Variants in CUX1 observed in about 807,000 individuals in gnomAD.
CUX1 encodes the protein protein CASP.
Under a neutral mutation model 158.8 loss-of-function variants are expected in CUX1, and 31 were observed. The observed-to-expected ratio is 0.20, with a 90% CI of 0.15 to 0.26. The LOEUF is 0.26. Among genes scored for constraint, CUX1 ranks in the 10% least tolerant of loss-of-function variants. The probability of loss-of-function intolerance (pLI) is 1.00; values close to 1 mark genes in which losing one functional copy is unlikely to be tolerated. For synonymous variants in CUX1, 879 were observed against 862.1 expected (o/e 1.02, Z -0.34); for missense variants, 1,589 against 2,014.6 (o/e 0.79, Z 4.04).
At chr7:101,888,413 A>G (rs1268697947) in intron 1 of CUX1, among the ~76,000 whole-genome samples, 1 of 152,242 alleles carries the variant, frequency 6.6e-6, no homozygotes, top group African/African-American at 2.4e-5. Flanking sequence ...ACTGGATAAT[A>G]TGTTAAATTC....
rs1306923064 is a variant in CUX1 at position 102,256,967 on chromosome 7, A to T, written c.*7925A>T. ...TGTGGCTTGAGGGCTCACCTAGGAG[A>T]TCATAGGCAGAGGGCCCCTTTCCCC... On this transcript the variant is annotated 3_prime_UTR_variant, in exon 24 of 24. Coordinates refer to ENST00000292535, the MANE Select transcript of CUX1 (RefSeq NM_181552.4). 29 of 985,242 alleles carry T rather than the reference A, an allele frequency of 2.9e-5. No homozygotes were observed. The highest frequency in any genetic ancestry group is 3.1e-5 in the Non-Finnish European group (26 of 829,940). 61.0% of individuals were successfully genotyped at this position (985,242 alleles called of 1,614,324 possible). A position where few individuals can be genotyped will look rare whatever the true frequency, so the allele number is the denominator to read the frequency against.
At position 102,196,944 on chromosome 7, in the gene CUX1, A is replaced by G. The variant is rs948021073; in HGVS notation, c.1533A>G (p.Pro511=). The change falls in exon 15 of 24, where the codon CCA becomes CCG. Residue 511 remains proline (P), a synonymous_variant. Transcript: ENST00000292535. The part of the protein sequence containing the change: ...GSTSMIFSTG[P]YSTNSISSQS... The stretch of plus-strand genomic sequence containing the variant: ...CAAGCATGATTTTTTCAACAGGTCC[A>G]TACAGCACAAACTCCATATCTTCCC... 5 of 1,614,240 alleles carry G rather than the reference A, an allele frequency of 3.1e-6. No individual in the cohort carries two copies. The highest frequency in any genetic ancestry group is 4.2e-6 in the Non-Finnish European group (5 of 1,180,050).
At chr7:101,877,451 C>T (rs1333289490) in intron 1 of CUX1, among the ~76,000 whole-genome samples, 1 of 152,200 alleles carries the variant, frequency 6.6e-6, no homozygotes, top group Non-Finnish European at 1.5e-5. Flanking sequence ...CTTTGGGAGG[C>T]CAAGGAAGGC....
At chr7:102,056,224 G>T (rs535036437) in intron 3 of CUX1, among the ~76,000 whole-genome samples, 26 of 152,198 alleles carry the variant, frequency 1.7e-4, no homozygotes, top group African/African-American at 5.3e-4. Context: ...GATAATCAAC[G>T]AAGATGATGG....
In CUX1 at chr7:102,084,858, C is replaced by CTTTTTT. The variant is rs60908109; in HGVS notation, c.269-12487_269-12482dup. On this transcript the variant is annotated intron_variant, in intron 4 of 23. Transcript: ENST00000292535. ...TAATGCTGTATATTTATTTTCCTTGCTTTTTTTTTTTTTTTTTTTTTTTTG... is the reference window on the plus strand; with the variant it reads ...TAATGCTGTATATTTATTTTCCTTGCTTTTTTTTTTTTTTTTTTTTTTTTTTTTTTG... Among the ~76,000 whole-genome samples the CTTTTTT allele has an allele frequency of 6.2e-3, 349 of 56,052 alleles. 8 individuals are homozygous for CTTTTTT. Among genetic ancestry groups the CTTTTTT allele is most frequent in the Middle Eastern group, 0.025 (1 of 40 alleles). The allele number at this position is 56,052 out of a possible 152,430, so 36.8% of individuals were successfully genotyped here. A position where few individuals can be genotyped will look rare whatever the true frequency, so the allele number is the denominator to read the frequency against.
At chr7:102,008,978 G>A (rs1050947744) in intron 2 of CUX1, among the ~76,000 whole-genome samples, 1 of 152,288 alleles carries the variant, frequency 6.6e-6, no homozygotes, top group African/African-American at 2.4e-5. Context: ...GCAGGGGAGA[G>A]AAGGGAGGTA....
intron 10 of CUX1, among the ~76,000 whole-genome samples, chr7:102,175,441 A>G (rs922718235): frequency 2.6e-5 from 4 of 152,088 alleles, no homozygotes; most frequent in East Asian, 1.9e-4. Context: ...ACCTCCCTAC[A>G]TGTCACTTCT....
chr7:102,056,522 T>C (rs546880021), intron 3 of CUX1, among the ~76,000 whole-genome samples: 1 of 152,312 alleles, frequency 6.6e-6, no homozygotes, highest in South Asian at 2.1e-4. Context: ...ATAGCATGTT[T>C]TACTGAATAT....
At chr7:102,106,045 C>T (rs1215020274) in intron 6 of CUX1, among the ~76,000 whole-genome samples, 1 of 147,796 alleles carries the variant, frequency 6.8e-6, no homozygotes, top group Non-Finnish European at 1.5e-5. Context: ...CAGTTGACTT[C>T]CTATGCTGAA....
chr7:102,010,575 A>G (rs1184563879), intron 2 of CUX1, among the ~76,000 whole-genome samples: 1 of 152,160 alleles, frequency 6.6e-6, no homozygotes, highest in African/African-American at 2.4e-5. Context: ...GGGAAAGGGA[A>G]GGAAGTAGAG....
chr7:101,823,851 A>G (rs1423500024), intron 1 of CUX1, among the ~76,000 whole-genome samples: 1 of 152,228 alleles, frequency 6.6e-6, no homozygotes, highest in East Asian at 1.9e-4. Flanking sequence ...TTAAAAATTT[A>G]TCTGGGTGTT....
intron 8 of CUX1, among the ~76,000 whole-genome samples, chr7:102,148,537 C>T (rs538041166): frequency 1.5e-4 from 23 of 151,260 alleles, no homozygotes; most frequent in Non-Finnish European, 2.7e-4. Context: ...ACCAAGACTC[C>T]GTATCAAAAA....
intron 1 of CUX1, among the ~76,000 whole-genome samples, chr7:101,840,821 G>A (rs966380453): frequency 9.9e-5 from 15 of 152,072 alleles, no homozygotes; most frequent in African/African-American, 3.4e-4. Context: ...AATGGTGGCT[G>A]GGAGGCATTT....
intron 8 of CUX1, among the ~76,000 whole-genome samples, chr7:102,135,333 C>T (rs572650738): frequency 2.8e-4 from 42 of 151,988 alleles, no homozygotes; most frequent in Non-Finnish European, 4.9e-4. Flanking sequence ...ACACACTTTC[C>T]GTTCATTAAG....
At chr7:101,856,392 T>A (rs1796824093) in intron 1 of CUX1, among the ~76,000 whole-genome samples, 2 of 152,082 alleles carry the variant, frequency 1.3e-5, no homozygotes, top group South Asian at 4.1e-4. Context: ...CTCTTAATTG[T>A]TTATCCAAGT....
intron 21 of CUX1, among the ~76,000 whole-genome samples, chr7:102,231,814 C>T (rs958445427): frequency 2.0e-5 from 3 of 150,944 alleles, no homozygotes; most frequent in African/African-American, 4.9e-5. Context: ...CCCGGGTTCA[C>T]GCCATTCTCC....
chr7:101,995,138 C>T (rs999705014), intron 2 of CUX1, among the ~76,000 whole-genome samples: 12 of 152,062 alleles, frequency 7.9e-5, no homozygotes, highest in African/African-American at 2.7e-4. Flanking sequence ...GCTCAGAAAC[C>T]TGGCTGGGGG....
chr7:102,012,837 T>A (rs1464725294), intron 2 of CUX1, among the ~76,000 whole-genome samples: 1 of 152,172 alleles, frequency 6.6e-6, no homozygotes, highest in Non-Finnish European at 1.5e-5. Flanking sequence ...TCATGGAATT[T>A]CCCAGCAAGT....
At chr7:102,206,270 G>A (rs558550543) in intron 20 of CUX1, among the ~76,000 whole-genome samples, 2 of 152,268 alleles carry the variant, frequency 1.3e-5, no homozygotes, top group Non-Finnish European at 2.9e-5. Context: ...CGTGGGGGTC[G>A]AGAGGCTGCA....
Sources: allele counts gnomAD v4.1 joint callset (sites outside exome capture counted in the v4.1 genomes callset), GRCh38; gene constraint gnomAD v4.1.1; transcripts MANE v1.5; gene names NCBI Gene and HGNC (gene_info 2026-07-23, HGNC 2026-07-21).